TUT7: variants seen among roughly 807,000 people sequenced by gnomAD.
TUT7 encodes terminal uridylyltransferase 7.
TUT7 carries 33 observed loss-of-function variants against 165.9 expected under a neutral mutation model. The observed-to-expected ratio is 0.20, with a 90% CI of 0.15 to 0.27. The LOEUF (loss-of-function observed/expected upper bound fraction) is 0.27. Among genes scored for constraint, TUT7 ranks in the 10% least tolerant of loss-of-function variants. The pLI is 1.00. For synonymous variants in TUT7, 552 were observed against 608.1 expected, an observed-to-expected ratio of 0.91 and a Z score of 1.36; for missense variants, 1,338 against 1,762.3, an observed-to-expected ratio of 0.76 and a Z score of 4.31.
In TUT7 at chr9:86,345,711, G is replaced by C; in HGVS notation, c.777C>G (p.Ala259=). The part of the protein sequence containing the change: ...CDVLIESIAF[A]HKHIKEKRHK... ...GCCTCTTTTCCTTGATATGCTTATG[G>C]GCAAATGCAATGGATTCAATTAAAA... Residue 259 remains alanine (A), a synonymous_variant, in exon 4 of 27, where the codon GCC becomes GCG. Transcript: ENST00000375963. The C allele has an allele frequency of 1.4e-5, 22 of 1,613,538 alleles. No individual in the cohort carries two copies. Among genetic ancestry groups the C allele is most frequent in the Non-Finnish European group, 1.9e-5 (22 of 1,179,722 alleles).
At position 86,328,085 on chromosome 9, in the gene TUT7, T is replaced by C. The variant is rs73650943; in HGVS notation, c.1608+255A>G. Among the ~76,000 whole-genome samples the C allele has an allele frequency of 5.0e-3, 758 of 152,336 alleles. 8 individuals are homozygous for C. The highest frequency in any genetic ancestry group is 0.017 in the African/African-American group (707 of 41,570). The stretch of plus-strand genomic sequence containing the variant: ...AGACTAAGCTCTTTGAGGATAGATA[T>C]GGATTTACCTTTGAATTCTGAGTCT... On this transcript the variant is annotated intron_variant, in intron 11 of 26. Transcript: ENST00000375963.
At position 86,288,729 on chromosome 9, in the gene TUT7, T is replaced by G. The variant is rs752513244; in HGVS notation, c.4436A>C (p.Lys1479Thr). Residue 1479 changes from lysine (K) to threonine (T), a missense_variant, in exon 27 of 27, where the codon AAA becomes ACA. Around this residue, in one of 7 missense-constraint regions of TUT7, gnomAD observed 167 missense variants for 204.9 expected, o/e 0.82. Transcript: ENST00000375963. ...TGAGGCTTTTCCCTGAGTCATATAT[T>G]TACTGGAAAGGCTACCTAGAGGAGG... ...FKGSSGSLSSKYMTQGKASAK... is the reference protein window; with the variant it reads ...FKGSSGSLSSTYMTQGKASAK... 74 of 1,613,506 alleles carry G rather than the reference T, an allele frequency of 4.6e-5. No individual in the cohort carries two copies. In the East Asian group the frequency reaches 1.6e-3, roughly 35 times the overall value.
intron 9 of TUT7, 22 bp downstream of exon 9, chr9:86,338,801 T>C (rs377276518): frequency 1.3e-5 from 20 of 1,579,148 alleles, no homozygotes; most frequent in East Asian, 9.1e-5. Flanking sequence ...AATGTATTCA[T>C]GCATAAAGAC....
At position 86,354,269 on chromosome 9, in the gene TUT7, A is replaced by G. The variant is rs1157257390; in HGVS notation, c.-32+2T>C. 6.5e-6 allele frequency: 1 copy of G among 152,700 alleles called. No homozygotes were observed. Among genetic ancestry groups the G allele is most frequent in the East Asian group, 1.9e-4 (1 of 5,188 alleles). The allele number at this position is 152,700 out of a possible 1,614,324, so 9.5% of individuals were successfully genotyped here. A position where few individuals can be genotyped will look rare whatever the true frequency, so the allele number is the denominator to read the frequency against. ...GGCCGGCGGGGGATGGAACCAACGT[A>G]CCTCCGGGGCCAGGCCGGACAGCTA... On this transcript the variant is annotated splice_donor_variant, in intron 1 of 26. Coordinates refer to ENST00000375963, the MANE Select transcript of TUT7 (RefSeq NM_024617.4). LOFTEE classifies it low-confidence loss of function (5UTR_SPLICE).
At chr9:86,296,564 G>A (rs1212031247) in intron 26 of TUT7, among the ~76,000 whole-genome samples, 3 of 152,186 alleles carry the variant, frequency 2.0e-5, no homozygotes, top group African/African-American at 4.8e-5. Context: ...GGTATCAGGA[G>A]AGGAAAGAGA....
intron 21 of TUT7, 75 bp from the exon 22 acceptor site, chr9:86,308,681 G>T: frequency 7.9e-7 from 1 of 1,271,338 alleles, no homozygotes. Flanking sequence ...TGTATTTTAG[G>T]GAGTAAATTT....
In TUT7 at chr9:86,353,029, T is replaced by G. The variant is rs2378690; in HGVS notation, c.171A>C (p.Thr57=). The change falls in exon 2 of 27, where the codon ACA becomes ACC. Residue 57 remains threonine, a synonymous_variant. Transcript: ENST00000375963. The part of the protein sequence containing the change: ...MEKGLQKKKI[T]PGNYGNTPRK... ...TGGGGGTATTCCCATAGTTCCCTGGTGTTATCTTCTTTTTTTGAAGGCCCT... is the reference window on the plus strand; with the variant it reads ...TGGGGGTATTCCCATAGTTCCCTGGGGTTATCTTCTTTTTTTGAAGGCCCT... 1 of 1,614,206 alleles carries G rather than the reference T, an allele frequency of 6.2e-7. No homozygotes were observed. The highest frequency in any genetic ancestry group is 8.5e-7 in the Non-Finnish European group (1 of 1,180,028).
chr9:86,308,715 G>A (rs953727629), intron 21 of TUT7, 109 bp from the exon 22 acceptor site: 1 of 823,202 alleles, frequency 1.2e-6, no homozygotes, highest in Non-Finnish European at 1.8e-6. Context: ...ATTAACTAGA[G>A]CTCAATTATG....
rs1276057376 is a variant in TUT7 at position 86,325,524 on chromosome 9, G to T, written c.1609-10C>A. The T allele has an allele frequency of 6.2e-7, 1 of 1,604,412 alleles. No homozygotes were observed. Among genetic ancestry groups the T allele is most frequent in the African/African-American group, 1.3e-5 (1 of 74,668 alleles). On this transcript the variant is annotated splice_polypyrimidine_tract_variant and intron_variant, in intron 11 of 26. Coordinates refer to ENST00000375963, the MANE Select transcript of TUT7 (RefSeq NM_024617.4). ...CCAATATTAATGACACCTATTAATA[G>T]CAAAGAGAAACATACAGGTTATTTC... is the stretch of plus-strand genomic sequence containing the variant.
At chr9:86,342,165 A>C (rs1192589296) in intron 6 of TUT7, among the ~76,000 whole-genome samples, 1 of 151,936 alleles carries the variant, frequency 6.6e-6, no homozygotes, top group Non-Finnish European at 1.5e-5. Context: ...GGGGCCCCAG[A>C]ATCTGGATTT....
At chr9:86,290,895 T>C in intron 26 of TUT7, among the ~76,000 whole-genome samples, 1 of 151,846 alleles carries the variant, frequency 6.6e-6, no homozygotes. Flanking sequence ...TCATACTTCA[T>C]ACACATACAA....
intron 8 of TUT7, 23 bp downstream of exon 8, chr9:86,340,013 T>C (rs751657887): frequency 1.8e-5 from 29 of 1,600,532 alleles, no homozygotes; most frequent in Non-Finnish European, 2.4e-5. Context: ...AGTTAGTAAA[T>C]AAACAGTTTA....
chr9:86,298,953 T>G (rs1051099487), intron 26 of TUT7: 4 of 321,822 alleles, frequency 1.2e-5, no homozygotes, highest in African/African-American at 9.0e-5. Flanking sequence ...TTTTGCAAGT[T>G]AACTGAAAAG....
intron 26 of TUT7, among the ~76,000 whole-genome samples, chr9:86,297,918 CCA>C (rs1475567369): frequency 6.6e-5 from 2 of 30,398 alleles, no homozygotes; most frequent in Non-Finnish European, 1.1e-4. Flanking sequence ...TCTGCCTGCT[CCA>C]CTTTTTTTTT....
At chr9:86,312,373 C>A (rs1395574467) in intron 17 of TUT7, among the ~76,000 whole-genome samples, 1 of 151,566 alleles carries the variant, frequency 6.6e-6, no homozygotes, top group East Asian at 2.0e-4. Flanking sequence ...GTGAGGAGCC[C>A]CTCAGCCCAG....
At chr9:86,293,915 CTG>C (rs1293559493) in intron 26 of TUT7, among the ~76,000 whole-genome samples, 1 of 152,042 alleles carries the variant, frequency 6.6e-6, no homozygotes, top group African/African-American at 2.4e-5. Context: ...CTGACTAAAT[CTG>C]TCTTTTTAGT....
At chr9:86,315,222 A>G (rs985735485) in intron 17 of TUT7, among the ~76,000 whole-genome samples, 1 of 152,248 alleles carries the variant, frequency 6.6e-6, no homozygotes, top group Non-Finnish European at 1.5e-5. Context: ...GAAGTTTTAA[A>G]CACAGCCCTC....
rs368677840 is a variant in TUT7, at chr9:86,322,332, C to G, written c.3021G>C (p.Gln1007His). ...FLNILDQVCI[Q>H]CYKDFSPTII... Reference sequence around the variant, plus strand: ...GAAATGTGAATAACTTACTATAACACTGGATACAGACTTGATCTAAGATAT... The same window carrying G: ...GAAATGTGAATAACTTACTATAACAGTGGATACAGACTTGATCTAAGATAT... Residue 1007 changes from glutamine (Q) to histidine (H), a missense_variant, in exon 14 of 27, where the codon CAG becomes CAC. Gln to His is a conservative substitution (Grantham distance 24). This residue lies in a region of TUT7 where 425 missense variants were observed against 474.9 expected (regional missense o/e 0.89). Coordinates refer to ENST00000375963, the MANE Select transcript of TUT7 (RefSeq NM_024617.4). The G allele has an allele frequency of 4.3e-6, 7 of 1,611,722 alleles. No homozygotes were observed. Among genetic ancestry groups the G allele is most frequent in the Non-Finnish European group, 5.9e-6 (7 of 1,179,196 alleles).
intron 5 of TUT7, 164 bp downstream of exon 5, chr9:86,344,813 G>C: frequency 1.6e-6 from 1 of 638,984 alleles, no homozygotes; most frequent in Middle Eastern, 4.3e-4. Flanking sequence ...GAAAGTCCTT[G>C]TTACCTTAGG....
Sources: allele counts gnomAD v4.1 joint callset (sites outside exome capture counted in the v4.1 genomes callset), GRCh38; gene constraint gnomAD v4.1.1; regional missense constraint gnomAD v4.1.1; transcripts MANE v1.5; gene names NCBI Gene and HGNC (gene_info 2026-07-23, HGNC 2026-07-21).